Variants in BPTF observed in about 807,000 individuals in gnomAD.
BPTF encodes the protein bromodomain PHD finger transcription factor.
A neutral mutation model predicts 292.5 loss-of-function variants in BPTF; 18 were observed. That is an observed-to-expected ratio of 0.06 (90% CI 0.04 to 0.09). The LOEUF is 0.09. Ranked by LOEUF, BPTF falls within the 10% of genes least tolerant of loss-of-function variation. The pLI, the probability that BPTF is intolerant of heterozygous loss-of-function variation, is 1.00. For synonymous variants in BPTF, 1,225 were observed against 1,251.9 expected (o/e 0.98, Z 0.45); for missense variants, 2,726 against 3,498.7 (o/e 0.78, Z 5.57).
intron 7 of BPTF, among the ~76,000 whole-genome samples, chr17:67,895,332 CA>C (rs35234780): frequency 0.18 from 10,228 of 56,764 alleles, 199 homozygotes; most frequent in East Asian, 0.48. Flanking sequence ...GACTTCATCT[CA>C]AAAAAAAAAA....
rs2070671077 is a variant in BPTF, at chr17:67,984,137, T to G, written c.*1849T>G. On this transcript the variant is annotated 3_prime_UTR_variant, in exon 28 of 28. Transcript: ENST00000306378. ...CTGTGCTGATGCAAGAATTCTACAT[T>G]TTAATGAGTTATAAAATTATTCTGC... is the stretch of plus-strand genomic sequence containing the variant. The G allele has an allele frequency of 1.3e-5, 2 of 152,604 alleles. No homozygotes were observed. The highest frequency in any genetic ancestry group is 2.9e-5 in the Non-Finnish European group (2 of 68,032). 9.5% of individuals were successfully genotyped at this position (152,604 alleles called of 1,614,324 possible).
In BPTF at chr17:67,945,451, A is replaced by C; in HGVS notation, c.6743A>C (p.Gln2248Pro). Residue 2248 changes from glutamine to proline, a missense_variant, in exon 21 of 28, where the codon CAG becomes CCG. Coordinates refer to ENST00000306378, the MANE Select transcript of BPTF (RefSeq NM_182641.4). ...CAGAGTAAACTGTCACCCCAGATGC[A>C]GGTACATCAAGACAAAACCCTGCCA... is the stretch of plus-strand genomic sequence containing the variant. ...QRQSKLSPQM[Q>P]VHQDKTLPPA... is the part of the protein sequence containing the mutation. 6.2e-7 allele frequency: 1 copy of C among 1,614,060 alleles called. No homozygotes were observed. The highest frequency in any genetic ancestry group is 1.7e-4 in the Middle Eastern group (1 of 6,060).
In BPTF at chr17:67,940,492, G is replaced by A; in HGVS notation, c.6313G>A (p.Ala2105Thr). The A allele has an allele frequency of 6.2e-7, 1 of 1,614,110 alleles. No homozygotes were observed. Reference sequence around the variant, plus strand: ...CATCAGGGGGCAGCCTGTCTCCACTGCAGTCTCCGCCCCTAACACGGTTTC... The same window carrying A: ...CATCAGGGGGCAGCCTGTCTCCACTACAGTCTCCGCCCCTAACACGGTTTC... ...QIIRGQPVST[A>T]VSAPNTVSST... Residue 2105 changes from alanine to threonine, a missense_variant, in exon 19 of 28, where the codon GCA becomes ACA. Physicochemically the swap from Ala to Thr is moderately conservative, Grantham distance 58 (BLOSUM62 0). Transcript: ENST00000306378.
chr17:67,864,997 C>T (rs561264911), intron 2 of BPTF, among the ~76,000 whole-genome samples: 5 of 151,826 alleles, frequency 3.3e-5, no homozygotes, highest in Non-Finnish European at 5.9e-5. Flanking sequence ...TAGTAGAGAC[C>T]GGGTTTCACC....
At chr17:67,829,014 A>T (rs571485187) in intron 1 of BPTF, among the ~76,000 whole-genome samples, 1 of 152,374 alleles carries the variant, frequency 6.6e-6, no homozygotes, top group East Asian at 1.9e-4. Flanking sequence ...AACTTGTAAT[A>T]GATGAAGTTT....
At chr17:67,895,703 C>T (rs1415138344) in intron 7 of BPTF, among the ~76,000 whole-genome samples, 1 of 152,108 alleles carries the variant, frequency 6.6e-6, no homozygotes, top group Non-Finnish European at 1.5e-5. Context: ...CTCAAGCAAT[C>T]TGCCTGCCTC....
At chr17:67,979,743 T>C (rs2070089960) in intron 27 of BPTF, among the ~76,000 whole-genome samples, 1 of 151,950 alleles carries the variant, frequency 6.6e-6, no homozygotes, top group Non-Finnish European at 1.5e-5. Flanking sequence ...GAAATAGCAG[T>C]ATAAGAAATT....
At chr17:67,914,620 A>C (rs1316897708) in intron 11 of BPTF, among the ~76,000 whole-genome samples, 1 of 152,204 alleles carries the variant, frequency 6.6e-6, no homozygotes, top group Non-Finnish European at 1.5e-5. Flanking sequence ...AATTAAAGTG[A>C]CCTGGCAGTT....
intron 27 of BPTF, among the ~76,000 whole-genome samples, chr17:67,978,208 G>C (rs1292523001): frequency 6.6e-6 from 1 of 151,478 alleles, no homozygotes; most frequent in Non-Finnish European, 1.5e-5. Context: ...AGCTAATCTT[G>C]AACTCCTGAG....
At chr17:67,898,797 C>T (rs1035992127) in intron 7 of BPTF, among the ~76,000 whole-genome samples, 1 of 151,418 alleles carries the variant, frequency 6.6e-6, no homozygotes, top group Non-Finnish European at 1.5e-5. Flanking sequence ...GCTCTCCCAC[C>T]TGTAATCCCA....
At chr17:67,901,185 A>G (rs1320657981) in intron 7 of BPTF, among the ~76,000 whole-genome samples, 1 of 152,048 alleles carries the variant, frequency 6.6e-6, no homozygotes, top group Non-Finnish European at 1.5e-5. Flanking sequence ...CCAAAAATAG[A>G]CCTAAGCATG....
intron 4 of BPTF, among the ~76,000 whole-genome samples, chr17:67,883,228 A>G (rs1057299110): frequency 6.6e-6 from 1 of 151,590 alleles, no homozygotes; most frequent in Non-Finnish European, 1.5e-5. Context: ...AGGCAGGAGA[A>G]TCGCTTGAAC....
chr17:67,843,156 A>G (rs1436612282), intron 1 of BPTF, among the ~76,000 whole-genome samples: 3 of 149,016 alleles, frequency 2.0e-5, no homozygotes, highest in Non-Finnish European at 4.5e-5. Flanking sequence ...ATAAATATAT[A>G]TCTACATATA....
At position 67,950,170 on chromosome 17, in the gene BPTF, G is replaced by A. The variant is rs1555677886; in HGVS notation, c.7926+1864G>A. On this transcript the variant is annotated intron_variant, in intron 23 of 27. Coordinates refer to ENST00000306378, the MANE Select transcript of BPTF (RefSeq NM_182641.4). ...CCCAGCACTTTGGAGAGGCCGAGGC[G>A]GGCAGATCACTTGAGCTCAGGTGAA... 4.6e-5 allele frequency among the ~76,000 whole-genome samples: 7 copies of A among 151,474 alleles called. No individual in the cohort carries two copies. In the South Asian group the frequency reaches 1.0e-3, roughly 23 times the overall value.
chr17:67,969,305 T>C (rs1555689371), intron 26 of BPTF, among the ~76,000 whole-genome samples: 1 of 150,440 alleles, frequency 6.6e-6, no homozygotes, highest in Non-Finnish European at 1.5e-5. Context: ...AATACAAAAA[T>C]TAGCTGGGTG....
intron 16 of BPTF, chr17:67,928,958 G>A: frequency 8.6e-7 from 1 of 1,166,690 alleles, no homozygotes; most frequent in Non-Finnish European, 1.1e-6. Context: ...TACCCCATTA[G>A]CCACCAGCAC....
intron 1 of BPTF, among the ~76,000 whole-genome samples, chr17:67,846,730 G>A (rs994354959): frequency 2.0e-5 from 3 of 152,082 alleles, no homozygotes; most frequent in Non-Finnish European, 4.4e-5. Flanking sequence ...TTGGAGACAG[G>A]GTCCCTGTCG....
At chr17:67,856,978 G>C (rs374191997) in intron 2 of BPTF, among the ~76,000 whole-genome samples, 1 of 151,920 alleles carries the variant, frequency 6.6e-6, no homozygotes, top group Non-Finnish European at 1.5e-5. Flanking sequence ...ACCCCTCCTT[G>C]TTATCATTGC....
chr17:67,894,354 A>G (rs1388644133), intron 7 of BPTF, among the ~76,000 whole-genome samples, 189 bp downstream of exon 7: 1 of 151,948 alleles, frequency 6.6e-6, no homozygotes, highest in Non-Finnish European at 1.5e-5. Context: ...TTTGAGACAG[A>G]GTCTTGCACT....
Sources: gnomAD v4.1 joint callset for allele counts (sites outside exome capture counted in the v4.1 genomes callset) on GRCh38, gnomAD v4.1.1 for gene constraint, MANE v1.5 for transcripts, NCBI Gene and HGNC (gene_info 2026-07-23, HGNC 2026-07-21) for gene names.